RORB: variants seen among roughly 807,000 people sequenced by gnomAD.
RORB encodes the protein nuclear receptor ROR-beta.
Under a neutral mutation model 59.1 loss-of-function variants are expected in RORB, and 6 were observed. That is an observed-to-expected ratio of 0.10 (90% confidence interval 0.06 to 0.20). The LOEUF (loss-of-function observed/expected upper bound fraction) is 0.20. Ranked by LOEUF, RORB falls within the 10% of genes least tolerant of loss-of-function variation. The pLI, the probability that RORB is intolerant of heterozygous loss-of-function variation, is 1.00. For synonymous variants in RORB, 215 were observed against 204.5 expected, an observed-to-expected ratio of 1.05 and a Z score of -0.44; for missense variants, 320 against 560.5, an observed-to-expected ratio of 0.57 and a Z score of 4.33.
At chr9:74,647,406 G>C (rs1160171856) in intron 4 of RORB, among the ~76,000 whole-genome samples, 1 of 152,104 alleles carries the variant, frequency 6.6e-6, no homozygotes, top group African/African-American at 2.4e-5. Flanking sequence ...CAAGACAATT[G>C]AAACAGCCAA....
chr9:74,571,913 A>T (rs373158899), intron 1 of RORB, among the ~76,000 whole-genome samples: 2 of 152,164 alleles, frequency 1.3e-5, no homozygotes, highest in African/African-American at 4.8e-5. Flanking sequence ...GGACATTCCC[A>T]GTCGGTGCAC....
rs200972556 is a variant in RORB at position 74,546,433 on chromosome 9, C to CA, written c.7+48460dup. Among the ~76,000 whole-genome samples, 603 of 139,592 alleles carry CA rather than the reference C, an allele frequency of 4.3e-3. 1 individual carries two copies. Among genetic ancestry groups the CA allele is most frequent in the African/African-American group, 9.9e-3 (374 of 37,946 alleles). The allele number at this position is 139,592 out of a possible 152,430, so 91.6% of individuals were successfully genotyped here. On this transcript the variant is annotated intron_variant, in intron 1 of 9. Transcript: ENST00000376896. ...GAAGAGGTGCTAACAAAGAATGCAG[C>CA]AAAAAAAAAAGAGAAAAGCTAGTGT...
intron 9 of RORB, among the ~76,000 whole-genome samples, chr9:74,678,553 T>C (rs1480791539): frequency 6.6e-6 from 1 of 152,240 alleles, no homozygotes; most frequent in Non-Finnish European, 1.5e-5. Flanking sequence ...AAATTGTACT[T>C]GAAAGAAATC....
chr9:74,531,735 A>C (rs1826245690), intron 1 of RORB, among the ~76,000 whole-genome samples: 1 of 152,012 alleles, frequency 6.6e-6, no homozygotes. Flanking sequence ...AAGAAAAATA[A>C]GTACAAATGA....
chr9:74,646,275 A>C (rs1207165114), intron 4 of RORB, among the ~76,000 whole-genome samples: 2 of 152,164 alleles, frequency 1.3e-5, no homozygotes, highest in African/African-American at 2.4e-5. Context: ...GCTTTTAAAA[A>C]CCAGTTTTTA....
chr9:74,631,680 A>G (rs1587394912), intron 2 of RORB, among the ~76,000 whole-genome samples: 2 of 152,308 alleles, frequency 1.3e-5, no homozygotes, highest in East Asian at 3.9e-4. Flanking sequence ...ATATTAACGT[A>G]CTAACCTGTC....
At chr9:74,525,239 CT>C (rs1286700286) in intron 1 of RORB, among the ~76,000 whole-genome samples, 1 of 151,738 alleles carries the variant, frequency 6.6e-6, no homozygotes. Context: ...TTATTAATTC[CT>C]TTGTAAGAAA....
chr9:74,537,961 T>C (rs140559328), intron 1 of RORB, among the ~76,000 whole-genome samples: 13 of 152,204 alleles, frequency 8.5e-5, no homozygotes, highest in African/African-American at 2.2e-4. Flanking sequence ...CACTGACTCA[T>C]CCAGAGAAAC....
rs138352641 is a variant in RORB, at chr9:74,638,977, T to A, written c.236-3437T>A. Among the ~76,000 whole-genome samples, 50 of 152,364 alleles carry A rather than the reference T, an allele frequency of 3.3e-4. No individual in the cohort carries two copies. The East Asian group carries it at 9.4e-3, about 29-fold the overall frequency. The stretch of plus-strand genomic sequence containing the variant: ...TCAGTGACCTGATAAGTCAATTTTG[T>A]AAAAAATGCAGAGCTTTTCTTTGTT... On this transcript the variant is annotated intron_variant, in intron 3 of 9. Transcript: ENST00000376896.
chr9:74,499,483 G>C (rs1825775402), intron 1 of RORB, among the ~76,000 whole-genome samples: 1 of 152,148 alleles, frequency 6.6e-6, no homozygotes, highest in African/African-American at 2.4e-5. Flanking sequence ...ACTGTCCATG[G>C]GGGAGGGGGT....
chr9:74,605,658 C>T (rs576430485), intron 1 of RORB, among the ~76,000 whole-genome samples: 1 of 152,260 alleles, frequency 6.6e-6, no homozygotes, highest in African/African-American at 2.4e-5. Flanking sequence ...GAAGAAATGT[C>T]AATATTTAGT....
chr9:74,537,244 G>A (rs1432401525), intron 1 of RORB, among the ~76,000 whole-genome samples: 2 of 151,990 alleles, frequency 1.3e-5, no homozygotes, highest in Admixed American at 1.3e-4. Context: ...TTTTGCTTGG[G>A]AACTTGAAGA....
chr9:74,679,325 TCA>T (rs1824502741), intron 9 of RORB, among the ~76,000 whole-genome samples: 1 of 152,186 alleles, frequency 6.6e-6, no homozygotes, highest in Non-Finnish European at 1.5e-5. Context: ...AGTTCCCAAG[TCA>T]TAAGTATGTA....
chr9:74,634,009 A>T (rs1823661355), intron 2 of RORB, among the ~76,000 whole-genome samples: 1 of 151,778 alleles, frequency 6.6e-6, no homozygotes, highest in Non-Finnish European at 1.5e-5. Context: ...GCCACAGTAC[A>T]CTATGATCCT....
At chr9:74,568,369 A>G (rs966425197) in intron 1 of RORB, among the ~76,000 whole-genome samples, 3 of 152,160 alleles carry the variant, frequency 2.0e-5, no homozygotes, top group Non-Finnish European at 4.4e-5. Context: ...AGCACAATAA[A>G]TATGACTGTG....
At chr9:74,601,514 T>C (rs1190101141) in intron 1 of RORB, among the ~76,000 whole-genome samples, 1 of 152,092 alleles carries the variant, frequency 6.6e-6, no homozygotes, top group African/African-American at 2.4e-5. Context: ...ATTTTATGCA[T>C]AAACAAGTTC....
intron 1 of RORB, among the ~76,000 whole-genome samples, chr9:74,549,606 AAGAAAGGAAGGAAGGAAGG>A (rs1826570601): frequency 1.2e-4 from 6 of 50,564 alleles, no homozygotes; most frequent in Admixed American, 1.1e-3. Flanking sequence ...GGAAGGAAGG[AAGAAAGGAAGGAAGGAAGG>A]AAGAAAGGAA....
intron 1 of RORB, among the ~76,000 whole-genome samples, chr9:74,504,020 G>T (rs900055469): frequency 1.2e-4 from 18 of 151,970 alleles, no homozygotes; most frequent in East Asian, 7.7e-4. Flanking sequence ...GAAATATTGT[G>T]ATCATAATGT....
chr9:74,517,198 A>G (rs983024939), intron 1 of RORB, among the ~76,000 whole-genome samples: 6 of 152,022 alleles, frequency 3.9e-5, no homozygotes, highest in African/African-American at 1.4e-4. Flanking sequence ...ATCTTTTAAA[A>G]AAACTGAAAT....
Sources: gnomAD v4.1 joint callset for allele counts (sites outside exome capture counted in the v4.1 genomes callset) on GRCh38, gnomAD v4.1.1 for gene constraint, MANE v1.5 for transcripts, NCBI Gene and HGNC (gene_info 2026-07-23, HGNC 2026-07-21) for gene names.